The following PTPN2 variants were observed in gnomAD, a reference collection of about 807,000 sequenced individuals.
The protein encoded by PTPN2 is tyrosine-protein phosphatase non-receptor type 2.
In PTPN2, 19 loss-of-function variants were observed where a neutral mutation model predicts 57.3. That is an observed-to-expected ratio of 0.33 (90% CI 0.23 to 0.49). The LOEUF is 0.49. Ranked by LOEUF, PTPN2 falls within the 20% of genes least tolerant of loss-of-function variation. The pLI is 0.99. For missense variants in PTPN2, 358 were observed against 501.1 expected (o/e 0.71, Z 2.73); for synonymous variants, 153 against 164.9 (o/e 0.93, Z 0.55).
In PTPN2 at chr18:12,792,689, C is replaced by G. The variant is rs2041020990; in HGVS notation, c.*1589G>C. Reference sequence around the variant, plus strand: ...CACTGCAACCTCCATCTCCTGGGTTCAAGCAATTCTCCTACCTCAGCCTCC... The same window carrying G: ...CACTGCAACCTCCATCTCCTGGGTTGAAGCAATTCTCCTACCTCAGCCTCC... On this transcript the variant is annotated 3_prime_UTR_variant, in exon 9 of 9. Transcript: ENST00000309660. 1 of 155,708 alleles carries G rather than the reference C, an allele frequency of 6.4e-6. No homozygotes were observed. The highest frequency in any genetic ancestry group is 6.5e-5 in the Admixed American group (1 of 15,276). The allele number at this position is 155,708 out of a possible 1,614,324, so 9.6% of individuals were successfully genotyped here.
intron 1 of PTPN2, among the ~76,000 whole-genome samples, chr18:12,875,718 C>A (rs141639720): frequency 2.0e-5 from 3 of 152,134 alleles, no homozygotes; most frequent in African/African-American, 4.8e-5. Flanking sequence ...ATTTCGCGTA[C>A]CCAGACCTTA....
intron 1 of PTPN2, among the ~76,000 whole-genome samples, chr18:12,867,922 G>C (rs544811082): frequency 4.1e-4 from 63 of 152,290 alleles, no homozygotes; most frequent in African/African-American, 1.5e-3. Flanking sequence ...TATTTTGCAT[G>C]CCCTCAATGA....
chr18:12,883,909 AGCGGTCAGCGCAGGCGCGCCCCTGAC>A, intron 1 of PTPN2, 138 bp downstream of exon 1: 1 of 495,508 alleles, frequency 2.0e-6, no homozygotes, highest in South Asian at 2.7e-5. Context: ...GGAGCAAGAG[AGCGGTCAGCGCAGGCGCGCCCCTGAC>A]GCGGACCGCG....
intron 5 of PTPN2, 117 bp downstream of exon 5, chr18:12,825,693 T>G: frequency 3.3e-6 from 3 of 904,186 alleles, no homozygotes; most frequent in Non-Finnish European, 4.8e-6. Context: ...TGATTATGGC[T>G]AGATACTATA....
rs1239939826 is a variant in PTPN2 at position 12,792,434 on chromosome 18, C to T, written c.*1844G>A. On this transcript the variant is annotated 3_prime_UTR_variant, in exon 9 of 9. Transcript: ENST00000309660. ...AGGAGCTGGGACTACAGGCATGCAC[C>T]ACCACGCCCAGATAATTTTTGTATT... The T allele has an allele frequency of 1.3e-5, 2 of 159,258 alleles. No individual in the cohort carries two copies. The highest frequency in any genetic ancestry group is 2.7e-5 in the Non-Finnish European group (2 of 74,616). 9.9% of individuals were successfully genotyped at this position (159,258 alleles called of 1,614,324 possible).
intron 1 of PTPN2, among the ~76,000 whole-genome samples, chr18:12,873,172 G>A (rs2044326645): frequency 6.7e-6 from 1 of 150,284 alleles, no homozygotes; most frequent in South Asian, 2.2e-4. Context: ...AGTGAGCCAA[G>A]ATCGTGCCAC....
chr18:12,847,963 T>C (rs1371486992), intron 2 of PTPN2, among the ~76,000 whole-genome samples: 1 of 147,246 alleles, frequency 6.8e-6, no homozygotes, highest in African/African-American at 2.5e-5. Flanking sequence ...TAACAGTGAG[T>C]GAGAAAATCT....
intron 2 of PTPN2, among the ~76,000 whole-genome samples, chr18:12,858,156 C>G (rs565887516): frequency 9.2e-5 from 14 of 152,118 alleles, no homozygotes; most frequent in Admixed American, 5.9e-4. Context: ...TCAACCTACA[C>G]AGGAGATCTT....
intron 3 of PTPN2, among the ~76,000 whole-genome samples, chr18:12,836,106 A>G (rs566032175): frequency 6.6e-6 from 1 of 152,208 alleles, no homozygotes; most frequent in South Asian, 2.1e-4. Flanking sequence ...ATATCTTTTG[A>G]ATATTTAAAA....
chr18:12,846,370 C>T (rs2043205967), intron 2 of PTPN2, among the ~76,000 whole-genome samples: 1 of 152,196 alleles, frequency 6.6e-6, no homozygotes, highest in Admixed American at 6.5e-5. Flanking sequence ...TAGTTGGCAA[C>T]CTATACAAAG....
In PTPN2 at chr18:12,794,325, C is replaced by A. The variant is rs74163636; in HGVS notation, c.1201G>T (p.Gly401Cys). Residue 401 changes from glycine to cysteine, a missense_variant, in exon 9 of 9, where the codon GGC becomes TGC. Gly to Cys is a radical substitution (Grantham distance 159). Around this residue, in one of 4 missense-constraint regions of PTPN2, gnomAD observed 96 missense variants for 110.8 expected, o/e 0.87. Coordinates refer to ENST00000309660, the MANE Select transcript of PTPN2 (RefSeq NM_002828.4). Reference protein sequence around the residue: ...KMGFMSVILVGAFVGWTLFFQ... With the variant: ...KMGFMSVILVCAFVGWTLFFQ... ...AACAGTGTCCAGCCAACAAAAGCGC[C>A]AACCAAAATGACTGACATAAACCCC... The A allele has an allele frequency of 1.3e-5, 21 of 1,614,184 alleles. No homozygotes were observed. Among genetic ancestry groups the A allele is most frequent in the Non-Finnish European group, 1.7e-5 (20 of 1,180,036 alleles).
chr18:12,859,052 GA>G, intron 2 of PTPN2, 111 bp downstream of exon 2: 1 of 663,422 alleles, frequency 1.5e-6, no homozygotes. Flanking sequence ...ACGTAAATAG[GA>G]AAAAAATTAC....
chr18:12,794,780 C>T (rs1324055918), intron 8 of PTPN2, among the ~76,000 whole-genome samples: 1 of 152,090 alleles, frequency 6.6e-6, no homozygotes, highest in Non-Finnish European at 1.5e-5. Context: ...CACCACTATG[C>T]CCAGCTAATT....
At chr18:12,872,425 C>A (rs71353227) in intron 1 of PTPN2, among the ~76,000 whole-genome samples, 13,126 of 152,214 alleles carry the variant, frequency 0.086, 747 homozygotes, top group East Asian at 0.16. Flanking sequence ...ATGAAACTGA[C>A]AGAGCAAACG....
At chr18:12,800,412 A>G (rs902740694) in intron 8 of PTPN2, among the ~76,000 whole-genome samples, 1 of 152,184 alleles carries the variant, frequency 6.6e-6, no homozygotes, top group East Asian at 1.9e-4. Context: ...TTATTGAAAA[A>G]GCTAAGGTAA....
At chr18:12,852,592 T>C (rs775601169) in intron 2 of PTPN2, among the ~76,000 whole-genome samples, 5 of 152,182 alleles carry the variant, frequency 3.3e-5, no homozygotes, top group Non-Finnish European at 7.3e-5. Context: ...CACAGCTCAC[T>C]GTAGTCTCAA....
intron 7 of PTPN2, among the ~76,000 whole-genome samples, chr18:12,813,804 A>G (rs1032165911): frequency 1.3e-5 from 2 of 152,238 alleles, no homozygotes; most frequent in African/African-American, 4.8e-5. Flanking sequence ...TTTTGCTGGA[A>G]TTTCATTATA....
At chr18:12,788,894 G>A (rs2040912601), downstream of PTPN2, among the ~76,000 whole-genome samples, 1 of 152,096 alleles carries the variant, frequency 6.6e-6, no homozygotes, top group South Asian at 2.1e-4. Flanking sequence ...CTGCTGCCGA[G>A]GGAAAAATAA....
chr18:12,846,807 T>C lies in PTPN2; in HGVS notation c.161-9916A>G, dbSNP rs116293811. 7.8e-3 allele frequency among the ~76,000 whole-genome samples: 1,192 copies of C among 152,314 alleles called. 9 individuals are homozygous for C. The highest frequency in any genetic ancestry group is 0.026 in the African/African-American group (1,088 of 41,566). On this transcript the variant is annotated intron_variant, in intron 2 of 8. Transcript: ENST00000309660. ...ACATACCTATGTTCATATTTATCTG[T>C]GTATCTATACTCACTGAAAACCATG...
Sources: allele counts gnomAD v4.1 joint callset (sites outside exome capture counted in the v4.1 genomes callset), GRCh38; gene constraint gnomAD v4.1.1; regional missense constraint gnomAD v4.1.1; transcripts MANE v1.5; gene names NCBI Gene and HGNC (gene_info 2026-07-23, HGNC 2026-07-21).